Variants in RPS6KA6 observed in about 807,000 individuals in gnomAD.
The protein encoded by RPS6KA6 is ribosomal protein S6 kinase A6, also known as ribosomal protein S6 kinase alpha-6.
A neutral mutation model predicts 65.4 loss-of-function variants in RPS6KA6; 27 were observed. That is an observed-to-expected ratio of 0.41 (90% CI 0.30 to 0.57). The LOEUF (loss-of-function observed/expected upper bound fraction) is 0.57, where lower values mean the gene tolerates loss of function less well. Among genes scored for constraint, RPS6KA6 ranks in the 20% least tolerant of loss-of-function variants. RPS6KA6 has a pLI of 0.24. For missense variants in RPS6KA6, 486 were observed against 555.6 expected (o/e 0.87, Z 1.26); for synonymous variants, 190 against 184.2 (o/e 1.03, Z -0.26).
chrX:84,126,750 G>A (rs1233095762), intron 8 of RPS6KA6, among the ~76,000 whole-genome samples: 1 of 110,875 alleles, frequency 9.0e-6, no homozygotes, highest in Non-Finnish European at 1.9e-5. Flanking sequence ...AATGACCAGA[G>A]AGTCAATAAA....
chrX:84,116,558 T>C (rs1016952402), intron 11 of RPS6KA6, among the ~76,000 whole-genome samples: 2 of 111,214 alleles, frequency 1.8e-5, no homozygotes, highest in African/African-American at 6.5e-5. Context: ...ATACATATTT[T>C]TTCATTCCTA....
chrX:84,099,136 A>G (rs1383025184), intron 18 of RPS6KA6, among the ~76,000 whole-genome samples: 1 of 111,454 alleles, frequency 9.0e-6, no homozygotes, highest in Non-Finnish European at 1.9e-5. Context: ...CTACTTGGAC[A>G]GGTGAGAATT....
chrX:84,100,019 A>G (rs1212422483), intron 18 of RPS6KA6, among the ~76,000 whole-genome samples: 2 of 111,214 alleles, frequency 1.8e-5, no homozygotes, highest in African/African-American at 6.5e-5. Flanking sequence ...ATGCATTTTT[A>G]TATTTTACTA....
chrX:84,075,977 T>C (rs908695917), intron 20 of RPS6KA6, among the ~76,000 whole-genome samples: 5 of 111,173 alleles, frequency 4.5e-5, no homozygotes, highest in African/African-American at 1.6e-4. Context: ...AATGAGAAAA[T>C]AGACATCAGT....
At chrX:84,096,145 T>G in intron 20 of RPS6KA6, 49 bp downstream of exon 20, 1 of 790,642 alleles carries the variant, frequency 1.3e-6, no homozygotes, top group East Asian at 3.2e-5. Flanking sequence ...ACTTAGGGAT[T>G]TGAGCAATTT....
Position 84,061,627 on chromosome X carries a change from C to G in RPS6KA6, c.*2650G>C, listed in dbSNP as rs1043586374. 1 of 111,130 alleles carries G rather than the reference C, an allele frequency of 9.0e-6. No individual in the cohort carries two copies. The highest frequency in any genetic ancestry group is 1.9e-5 in the Non-Finnish European group (1 of 52,895). 9.2% of individuals were successfully genotyped at this position (111,130 alleles called of 1,213,427 possible). On this transcript the variant is annotated 3_prime_UTR_variant, in exon 22 of 22. Coordinates refer to ENST00000262752, the MANE Select transcript of RPS6KA6 (RefSeq NM_014496.5). Reference sequence around the variant, plus strand: ...TGCTTAAGGACAACAGGTTGTTAGTCTATTTGAGCAAACCTGATGTTTTCT... The same window carrying G: ...TGCTTAAGGACAACAGGTTGTTAGTGTATTTGAGCAAACCTGATGTTTTCT...
intron 20 of RPS6KA6, among the ~76,000 whole-genome samples, chrX:84,084,341 T>G (rs1192883227): frequency 8.9e-6 from 1 of 112,573 alleles, no homozygotes; most frequent in Non-Finnish European, 1.9e-5. Flanking sequence ...TTTATAGTTT[T>G]GGGTTTAACA....
At chrX:84,088,479 T>C (rs1028656962) in intron 20 of RPS6KA6, among the ~76,000 whole-genome samples, 2 of 111,982 alleles carry the variant, frequency 1.8e-5, no homozygotes, top group Admixed American at 9.5e-5. Flanking sequence ...ATAGCAAAGA[T>C]GACAATCTGC....
Position 84,065,131 on chromosome X carries a change from T to A in RPS6KA6, c.1972-20A>T, listed in dbSNP as rs1410391907. 1 of 1,107,586 alleles carries A rather than the reference T, an allele frequency of 9.0e-7. No individual in the cohort carries two copies. The highest frequency in any genetic ancestry group is 2.0e-5 in the South Asian group (1 of 49,508). The allele number at this position is 1,107,586 out of a possible 1,213,427, so 91.3% of individuals were successfully genotyped here. A position where few individuals can be genotyped will look rare whatever the true frequency, so the allele number is the denominator to read the frequency against. On this transcript the variant is annotated intron_variant, in intron 20 of 21. Transcript: ENST00000262752. The stretch of plus-strand genomic sequence containing the variant: ...CAAATCCTAAATTAAAAAAAATGTG[T>A]GTGTATATATATATACATGTATACA...
chrX:84,170,611 C>G (rs1022279386), intron 1 of RPS6KA6, among the ~76,000 whole-genome samples: 1 of 110,256 alleles, frequency 9.1e-6, no homozygotes, highest in Non-Finnish European at 1.9e-5. Context: ...GCCTGGGCGA[C>G]AGAGTGAGAC....
chrX:84,146,749 A>G (rs1344637235), intron 5 of RPS6KA6, among the ~76,000 whole-genome samples: 1 of 111,945 alleles, frequency 8.9e-6, no homozygotes, highest in African/African-American at 3.2e-5. Context: ...GAAAAACACT[A>G]TCTTGTTACT....
chrX:84,112,721 GATCTCAA>G (rs1290819266), intron 12 of RPS6KA6, among the ~76,000 whole-genome samples: 1 of 111,891 alleles, frequency 8.9e-6, no homozygotes, highest in African/African-American at 3.3e-5. Flanking sequence ...AACACAGAAA[GATCTCAA>G]ATCAATGACC....
At chrX:84,096,757 G>A (rs1420233838) in intron 19 of RPS6KA6, among the ~76,000 whole-genome samples, 1 of 110,669 alleles carries the variant, frequency 9.0e-6, no homozygotes, top group Non-Finnish European at 1.9e-5. Context: ...CAGTGGAAAC[G>A]GTTATCATTA....
chrX:84,079,115 T>C (rs2033728691), intron 20 of RPS6KA6, among the ~76,000 whole-genome samples: 1 of 111,175 alleles, frequency 9.0e-6, no homozygotes, highest in African/African-American at 3.3e-5. Flanking sequence ...GAGGTACCCG[T>C]AGTTGATCTC....
intron 20 of RPS6KA6, among the ~76,000 whole-genome samples, chrX:84,079,693 G>A (rs1569371568): frequency 8.9e-6 from 1 of 111,853 alleles, no homozygotes; most frequent in South Asian, 3.7e-4. Context: ...CCCTGACAGC[G>A]TAAACAAAGC....
chrX:84,163,835 A>G (rs1449992014), intron 2 of RPS6KA6, among the ~76,000 whole-genome samples: 1 of 111,397 alleles, frequency 9.0e-6, no homozygotes, highest in Non-Finnish European at 1.9e-5. Flanking sequence ...GAATGGTCTA[A>G]TGGCTAAGCA....
Position 84,102,535 on chromosome X carries a change from C to T in RPS6KA6, c.1615-337G>A, listed in dbSNP as rs186846669. Among the ~76,000 whole-genome samples, 959 of 110,403 alleles carry T rather than the reference C, an allele frequency of 8.7e-3. 16 individuals carry two copies. Among genetic ancestry groups the T allele is most frequent in the African/African-American group, 0.03 (926 of 30,470 alleles). On this transcript the variant is annotated intron_variant, in intron 17 of 21. Coordinates refer to ENST00000262752, the MANE Select transcript of RPS6KA6 (RefSeq NM_014496.5). The stretch of plus-strand genomic sequence containing the variant: ...TTATACATAACATATAAGAACAGTT[C>T]CTGACTTACAAACTAAACTAAGTTT...
intron 3 of RPS6KA6, among the ~76,000 whole-genome samples, chrX:84,155,250 A>G (rs923719651): frequency 4.5e-5 from 5 of 111,427 alleles, no homozygotes; most frequent in African/African-American, 1.6e-4. Context: ...GTTCCAGAGC[A>G]CTATAAATAA....
rs766797777 is a variant in RPS6KA6, at chrX:84,104,493, ACTTACTC to A, written c.1613_1614+5del. On this transcript the variant is annotated splice_donor_variant and splice_donor_5th_base_variant and coding_sequence_variant and intron_variant, in exon 17 of 22. Transcript: ENST00000262752. LOFTEE classifies it high-confidence loss of function. ...AATAGAAAGAAAAAAGTTAACTACA[ACTTACTC>A]CTTGACAATGAAGATAGTCAACTGT... The A allele has an allele frequency of 2.7e-6, 3 of 1,107,946 alleles. No homozygotes were observed. The highest frequency in any genetic ancestry group is 3.6e-6 in the Non-Finnish European group (3 of 839,942). 91.3% of individuals were successfully genotyped at this position (1,107,946 alleles called of 1,213,427 possible). A position where few individuals can be genotyped will look rare whatever the true frequency, so the allele number is the denominator to read the frequency against.
Sources: allele counts gnomAD v4.1 joint callset (sites outside exome capture counted in the v4.1 genomes callset), GRCh38; gene constraint gnomAD v4.1.1; transcripts MANE v1.5; gene names NCBI Gene and HGNC (gene_info 2026-07-23, HGNC 2026-07-21).